SHF: variants seen among roughly 807,000 people sequenced by gnomAD.
SHF encodes the protein SH2 domain-containing adapter protein F.
A neutral mutation model predicts 42.4 loss-of-function variants in SHF; 30 were observed. The ratio of observed to expected loss-of-function variants is 0.71; its 90% CI spans 0.53 to 0.96. The LOEUF is 0.96. Among genes scored for constraint, SHF ranks in the 40% least tolerant of loss-of-function variants. SHF has a pLI of 0.00. For missense variants in SHF, 598 were observed against 634.0 expected (o/e 0.94, Z 0.61); for synonymous variants, 264 against 269.9 (o/e 0.98, Z 0.21).
At chr15:45,198,457 T>G in intron 2 of SHF, 1 of 313,070 alleles carries the variant, frequency 3.2e-6, no homozygotes, top group Non-Finnish European at 5.9e-6. Context: ...TACATGAGAG[T>G]TACTGTAGGT....
At position 45,187,697 on chromosome 15, in the gene SHF, C is replaced by A; in HGVS notation, c.255G>T (p.Ala85=). 2 of 1,202,692 alleles carry A rather than the reference C, an allele frequency of 1.7e-6. No homozygotes were observed. Among genetic ancestry groups the A allele is most frequent in the Non-Finnish European group, 2.1e-6 (2 of 964,260 alleles). 74.5% of individuals were successfully genotyped at this position (1,202,692 alleles called of 1,614,324 possible). A position where few individuals can be genotyped will look rare whatever the true frequency, so the allele number is the denominator to read the frequency against. ...DYRPPAPSPA[A]PPAPPPDILA... ...GGATGTCCGGGGGCGGCGCGGGGGG[C>A]GCGGCCGGAGAGGGCGCAGGGGGGC... is the stretch of plus-strand genomic sequence containing the variant. Residue 85 remains alanine, a synonymous_variant, in exon 1 of 7, where the codon GCG becomes GCT. Coordinates refer to ENST00000690270, the MANE Select transcript of SHF (RefSeq NM_001394037.1).
At chr15:45,186,740 G>A (rs1387722544) in intron 1 of SHF, among the ~76,000 whole-genome samples, 2 of 152,256 alleles carry the variant, frequency 1.3e-5, no homozygotes, top group Non-Finnish European at 2.9e-5. Context: ...GTGGGCAACA[G>A]GTCCTGAGCA....
In SHF at chr15:45,173,665, A is replaced by C; in HGVS notation, c.899T>G (p.Leu300Arg). The C allele has an allele frequency of 6.4e-7, 1 of 1,551,712 alleles. No individual in the cohort carries two copies. The highest frequency in any genetic ancestry group is 8.7e-7 in the Non-Finnish European group (1 of 1,146,970). The change falls in exon 4 of 7, where the codon CTG becomes CGG. Residue 300 changes from leucine to arginine, a missense_variant. Physicochemically the swap from Leu to Arg is moderately radical, Grantham distance 102. Around this residue, in one of 2 missense-constraint regions of SHF, gnomAD observed 439 missense variants for 524.6 expected, o/e 0.84. Transcript: ENST00000690270. ...ATCAGGCAGGGAGGGGCTGCTGTCC[A>C]GCTGTCCCACAGGTGGAGGCCAAGG... Reference protein sequence around the residue: ...DLPWPPPVGQLDSSPSLPDGD... With the variant: ...DLPWPPPVGQRDSSPSLPDGD...
In SHF at chr15:45,173,134, G is replaced by A. The variant is rs116193594; in HGVS notation, c.988+442C>T. 4.9e-3 allele frequency among the ~76,000 whole-genome samples: 749 copies of A among 152,334 alleles called. 9 individuals carry two copies. The highest frequency in any genetic ancestry group is 0.017 in the African/African-American group (713 of 41,568). On this transcript the variant is annotated intron_variant, in intron 4 of 6. Coordinates refer to ENST00000690270, the MANE Select transcript of SHF (RefSeq NM_001394037.1). ...TGAACATAGAGGAAGAATTAAGTGC[G>A]TTCTTTCTCCTCATTTGGGCTCTTT...
At chr15:45,194,327 C>T (rs771470283) in intron 2 of SHF, among the ~76,000 whole-genome samples, 3 of 151,850 alleles carry the variant, frequency 2.0e-5, no homozygotes, top group Non-Finnish European at 4.4e-5. Context: ...GGAGCCTTTT[C>T]AAGAGGCTCC....
chr15:45,187,063 G>A (rs1055269074), intron 1 of SHF, among the ~76,000 whole-genome samples: 2 of 152,236 alleles, frequency 1.3e-5, no homozygotes, highest in Non-Finnish European at 2.9e-5. Context: ...AGATCAAAGG[G>A]CACTGAGCCG....
At chr15:45,201,116 T>C (rs1025209232) in exon 1 of SHF, 1 of 324,364 alleles carries the variant, frequency 3.1e-6, no homozygotes. Flanking sequence ...AGGGCAACAC[T>C]GGGTCAGCTG....
exon 1 of SHF, chr15:45,200,778 T>C (rs1396324906): frequency 2.2e-6 from 1 of 456,248 alleles, no homozygotes; most frequent in East Asian, 7.0e-5. Flanking sequence ...ATTTTCCTTC[T>C]TGTAAAATTT....
chr15:45,177,650 C>T (rs537060960), intron 2 of SHF, among the ~76,000 whole-genome samples: 2 of 152,262 alleles, frequency 1.3e-5, no homozygotes, highest in East Asian at 3.9e-4. Context: ...GACAGACCCA[C>T]CCTGTCCTCT....
upstream of SHF, chr15:45,187,972 A>C: frequency 1.3e-5 from 12 of 901,176 alleles, no homozygotes; most frequent in African/African-American, 2.7e-5. Flanking sequence ...AGACTGAGCG[A>C]GGGGAGCGCA....
At chr15:45,173,811 G>A in intron 3 of SHF, 95 bp from the exon 4 acceptor site, 1 of 1,374,980 alleles carries the variant, frequency 7.3e-7, no homozygotes, top group African/African-American at 1.4e-5. Context: ...CCAGGACACA[G>A]GACAGCCTAG....
At position 45,175,321 on chromosome 15, in the gene SHF, A is replaced by G; in HGVS notation, c.745T>C (p.Trp249Arg). ...TCTGGCAGGCGGGACTCCCGGGGCC[A>G]GGGGGCCCCCTCACCTTCCGCGGTG... is the stretch of plus-strand genomic sequence containing the variant. ...GATAEGEGAPWPRESRLPEDD... is the reference protein window; with the variant it reads ...GATAEGEGAPRPRESRLPEDD... Residue 249 changes from tryptophan (W) to arginine (R), a missense_variant, in exon 3 of 7, where the codon TGG (tryptophan) becomes CGG (arginine). Trp to Arg is a moderately radical substitution (Grantham distance 101, BLOSUM62 -3). Transcript: ENST00000690270. 1 of 1,606,568 alleles carries G rather than the reference A, an allele frequency of 6.2e-7. No individual in the cohort carries two copies. Among genetic ancestry groups the G allele is most frequent in the Admixed American group, 1.7e-5 (1 of 59,084 alleles).
At chr15:45,197,827 G>A (rs1389630499) in intron 2 of SHF, among the ~76,000 whole-genome samples, 5 of 133,626 alleles carry the variant, frequency 3.7e-5, no homozygotes, top group African/African-American at 1.1e-4. Context: ...ATCACCTCAG[G>A]AAAAAAAAAA....
At chr15:45,180,647 T>C (rs1898080304) in intron 1 of SHF, among the ~76,000 whole-genome samples, 1 of 152,152 alleles carries the variant, frequency 6.6e-6, no homozygotes, top group Admixed American at 6.5e-5. Flanking sequence ...TGGATCACTT[T>C]CCCCTTCCTC....
rs1335645797 is a variant in SHF at position 45,175,072 on chromosome 15, C to G, written c.847+147G>C. The G allele has an allele frequency of 3.5e-6, 3 of 848,474 alleles. No individual in the cohort carries two copies. In the African/African-American group the frequency reaches 5.2e-5, roughly 15 times the overall value. 52.6% of individuals were successfully genotyped at this position (848,474 alleles called of 1,614,324 possible). Reference sequence around the variant, plus strand: ...CGCTGTGTCCACACTGCCAACCCCACCCCCTATGGTACAGAACTCAACTAC... The same window carrying G: ...CGCTGTGTCCACACTGCCAACCCCAGCCCCTATGGTACAGAACTCAACTAC... On this transcript the variant is annotated intron_variant, in intron 3 of 6. Transcript: ENST00000690270.
intron 1 of SHF, among the ~76,000 whole-genome samples, chr15:45,186,323 G>A (rs754415609): frequency 6.6e-6 from 1 of 152,232 alleles, no homozygotes; most frequent in African/African-American, 2.4e-5. Flanking sequence ...GAAATCTGGC[G>A]GAACGGCGCT....
At chr15:45,196,440 C>G (rs1898865011) in intron 2 of SHF, among the ~76,000 whole-genome samples, 1 of 152,158 alleles carries the variant, frequency 6.6e-6, no homozygotes, top group South Asian at 2.1e-4. Flanking sequence ...GGCTTATATT[C>G]CCATCAGAAC....
intron 6 of SHF, among the ~76,000 whole-genome samples, chr15:45,169,869 G>A (rs1897380669): frequency 6.6e-6 from 1 of 152,250 alleles, no homozygotes; most frequent in Non-Finnish European, 1.5e-5. Context: ...AGGACCAGCT[G>A]GGCTGCAGGA....
chr15:45,173,529 G>A, intron 4 of SHF, 47 bp downstream of exon 4: 3 of 1,448,196 alleles, frequency 2.1e-6, no homozygotes, highest in Non-Finnish European at 2.7e-6. Flanking sequence ...ACAGGGCCTG[G>A]AGGGGTGAGG....
Sources: gnomAD v4.1 joint callset for allele counts (sites outside exome capture counted in the v4.1 genomes callset) on GRCh38, gnomAD v4.1.1 for gene constraint, gnomAD v4.1.1 regional missense constraint, MANE v1.5 for transcripts, NCBI Gene and HGNC (gene_info 2026-07-23, HGNC 2026-07-21) for gene names.